Variants in DPYD observed in about 807,000 individuals in gnomAD.
DPYD encodes the protein dihydropyrimidine dehydrogenase [NADP(+)].
In DPYD, 109 loss-of-function variants were observed where a neutral mutation model predicts 116.2. The observed-to-expected ratio is 0.94, with a 90% CI of 0.80 to 1.10. DPYD has a LOEUF of 1.10. DPYD is among the 50% of genes least tolerant of loss of function. DPYD has a pLI of 0.00. For missense variants in DPYD, 1,302 were observed against 1,254.5 expected, an observed-to-expected ratio of 1.04 and a Z score of -0.57; for synonymous variants, 440 against 432.0, an observed-to-expected ratio of 1.02 and a Z score of -0.23.
intron 11 of DPYD, among the ~76,000 whole-genome samples, chr1:97,572,139 A>G (rs942082266): frequency 6.6e-6 from 1 of 152,136 alleles, no homozygotes; most frequent in African/African-American, 2.4e-5. Flanking sequence ...CTCTAAATTT[A>G]TAAGAGGTGG....
chr1:97,119,577 C>A (rs763024292), intron 20 of DPYD, among the ~76,000 whole-genome samples: 5 of 152,064 alleles, frequency 3.3e-5, no homozygotes, highest in Non-Finnish European at 5.9e-5. Flanking sequence ...GGAGGGGCAA[C>A]CTTTCTGGCA....
chr1:97,701,604 C>A (rs1232548035), intron 5 of DPYD, among the ~76,000 whole-genome samples: 3 of 151,776 alleles, frequency 2.0e-5, no homozygotes, highest in Non-Finnish European at 4.4e-5. Context: ...ATAAAGGTGA[C>A]AGGACTTTAC....
chr1:97,701,589 G>A (rs1479746264), intron 5 of DPYD, among the ~76,000 whole-genome samples: 1 of 151,816 alleles, frequency 6.6e-6, no homozygotes, highest in Non-Finnish European at 1.5e-5. Context: ...TCTTAAGAAT[G>A]AGGAATAAAG....
intron 20 of DPYD, among the ~76,000 whole-genome samples, chr1:97,140,525 A>C (rs1190311139): frequency 1.3e-5 from 2 of 152,156 alleles, no homozygotes; most frequent in African/African-American, 4.8e-5. Context: ...CATCAATATC[A>C]CAACCATGCC....
At chr1:97,327,981 G>A (rs1462808514) in intron 16 of DPYD, among the ~76,000 whole-genome samples, 1 of 152,004 alleles carries the variant, frequency 6.6e-6, no homozygotes, top group Admixed American at 6.6e-5. Flanking sequence ...CATAGCTCTG[G>A]GCCTGGCACA....
chr1:97,444,883 T>G (rs541502754), intron 14 of DPYD, among the ~76,000 whole-genome samples: 8 of 152,250 alleles, frequency 5.3e-5, no homozygotes, highest in Admixed American at 3.3e-4. Context: ...TTGGCATTTT[T>G]CAATCATGAA....
chr1:97,443,015 A>G (rs1303158155), intron 14 of DPYD, among the ~76,000 whole-genome samples: 1 of 152,184 alleles, frequency 6.6e-6, no homozygotes, highest in East Asian at 1.9e-4. Flanking sequence ...TGTTTAAACT[A>G]TCTCTGAGGG....
intron 4 of DPYD, among the ~76,000 whole-genome samples, chr1:97,728,289 T>A (rs1663383308): frequency 6.6e-6 from 1 of 152,092 alleles, no homozygotes; most frequent in African/African-American, 2.4e-5. Flanking sequence ...CTATTAGTCC[T>A]TGGGGTATTT....
intron 5 of DPYD, among the ~76,000 whole-genome samples, chr1:97,705,482 C>A (rs1477225343): frequency 6.6e-6 from 1 of 152,062 alleles, no homozygotes; most frequent in African/African-American, 2.4e-5. Context: ...TTTATGGCTG[C>A]ATAGTATTCC....
chr1:97,815,428 T>A (rs1007681656), intron 3 of DPYD, among the ~76,000 whole-genome samples: 2 of 151,652 alleles, frequency 1.3e-5, no homozygotes, highest in Non-Finnish European at 2.9e-5. Context: ...CCAAGGAGAG[T>A]TAAAAGGAGT....
At chr1:97,244,040 T>C (rs1470374045) in intron 18 of DPYD, among the ~76,000 whole-genome samples, 3 of 151,998 alleles carry the variant, frequency 2.0e-5, no homozygotes, top group Non-Finnish European at 4.4e-5. Context: ...AAAGATGGCA[T>C]GAAGAGCTAA....
intron 16 of DPYD, among the ~76,000 whole-genome samples, chr1:97,326,932 T>C (rs7544742): frequency 0.019 from 2,943 of 152,146 alleles, 107 homozygotes; most frequent in African/African-American, 0.067. Flanking sequence ...AAAGAGATCA[T>C]CTGTTATGTT....
At chr1:97,552,970 T>C (rs1651436132) in intron 11 of DPYD, among the ~76,000 whole-genome samples, 1 of 151,962 alleles carries the variant, frequency 6.6e-6, no homozygotes, top group South Asian at 2.1e-4. Context: ...ATACCCAATA[T>C]TTGGCTCATC....
At chr1:97,530,541 C>T (rs887035661) in intron 12 of DPYD, among the ~76,000 whole-genome samples, 2 of 152,134 alleles carry the variant, frequency 1.3e-5, no homozygotes, top group African/African-American at 2.4e-5. Flanking sequence ...TATCAGTAGA[C>T]ATTTAGGTTA....
intron 18 of DPYD, among the ~76,000 whole-genome samples, chr1:97,258,756 G>A (rs971466159): frequency 2.0e-5 from 3 of 152,154 alleles, no homozygotes; most frequent in Non-Finnish European, 4.4e-5. Context: ...TACCAGATAA[G>A]ATTGTATTTT....
At chr1:97,206,784 T>G (rs776518587) in intron 19 of DPYD, among the ~76,000 whole-genome samples, 22 of 149,894 alleles carry the variant, frequency 1.5e-4, no homozygotes, top group Middle Eastern at 3.5e-3. Context: ...TTTAGGTTTA[T>G]GCATACACAT....
intron 16 of DPYD, among the ~76,000 whole-genome samples, chr1:97,358,758 G>A (rs1670555540): frequency 6.7e-6 from 1 of 149,538 alleles, no homozygotes; most frequent in Non-Finnish European, 1.5e-5. Context: ...GAAAGGAATA[G>A]CATCAACATC....
At chr1:97,443,322 T>G (rs1415681) in intron 14 of DPYD, among the ~76,000 whole-genome samples, 120,010 of 152,016 alleles carry the variant, frequency 0.79, 47,823 homozygotes, top group East Asian at 0.87. Flanking sequence ...GTCCCGAATT[T>G]TGGCAAAGAA....
intron 14 of DPYD, among the ~76,000 whole-genome samples, chr1:97,392,300 T>C (rs77893055): frequency 0.014 from 2,063 of 152,160 alleles, 49 homozygotes; most frequent in African/African-American, 0.048. Context: ...TAGCTGCTGA[T>C]TGATCAGGCT....
Sources: allele counts gnomAD v4.1 joint callset (sites outside exome capture counted in the v4.1 genomes callset), GRCh38; gene constraint gnomAD v4.1.1; transcripts MANE v1.5; gene names NCBI Gene and HGNC (gene_info 2026-07-23, HGNC 2026-07-21).